SCML4: variants seen among roughly 807,000 people sequenced by gnomAD.
SCML4 encodes the protein Scm polycomb group protein like 4, also known as sex comb on midleg-like protein 4.
SCML4 carries 34 observed loss-of-function variants against 41.1 expected under a neutral mutation model. That is an observed-to-expected ratio of 0.83 (90% CI 0.63 to 1.10). The LOEUF (loss-of-function observed/expected upper bound fraction) is 1.10. Ranked by LOEUF, SCML4 falls within the 50% of genes least tolerant of loss-of-function variation. SCML4 has a pLI of 0.00. For missense variants in SCML4, 522 were observed against 534.1 expected (o/e 0.98, Z 0.22); for synonymous variants, 214 against 220.9 (o/e 0.97, Z 0.28).
chr6:107,780,703 T>C (rs554482121), intron 1 of SCML4, among the ~76,000 whole-genome samples: 2 of 149,754 alleles, frequency 1.3e-5, no homozygotes, highest in Non-Finnish European at 3.0e-5. Flanking sequence ...TGAGGCCCAG[T>C]CTCCAATAAT....
At chr6:107,812,866 T>C (rs186723788) in intron 1 of SCML4, among the ~76,000 whole-genome samples, 1 of 107,728 alleles carries the variant, frequency 9.3e-6, no homozygotes, top group East Asian at 2.9e-4. Context: ...TAGAGCTCTT[T>C]ACACACAGAC....
chr6:107,715,553 T>C (rs1217501067), intron 6 of SCML4, among the ~76,000 whole-genome samples: 2 of 152,140 alleles, frequency 1.3e-5, no homozygotes, highest in Non-Finnish European at 2.9e-5. Flanking sequence ...AAGCTTTTGT[T>C]ATCCAAAACC....
chr6:107,780,787 G>C (rs1357644602), intron 1 of SCML4, among the ~76,000 whole-genome samples: 1 of 151,696 alleles, frequency 6.6e-6, no homozygotes, highest in East Asian at 1.9e-4. Context: ...CTTGGGGATA[G>C]AGAAGAGTCG....
chr6:107,782,582 G>T (rs1439577532), intron 1 of SCML4, among the ~76,000 whole-genome samples: 2 of 152,270 alleles, frequency 1.3e-5, no homozygotes, highest in African/African-American at 4.8e-5. Context: ...ACCAAAGCAG[G>T]TGTTGTTCCC....
intron 5 of SCML4, among the ~76,000 whole-genome samples, chr6:107,723,299 C>T (rs1775618976): frequency 6.6e-6 from 1 of 152,030 alleles, no homozygotes; most frequent in Non-Finnish European, 1.5e-5. Flanking sequence ...CTCAAACATG[C>T]TCAGAACACT....
chr6:107,800,065 G>T (rs1315341124), intron 1 of SCML4, among the ~76,000 whole-genome samples: 1 of 148,688 alleles, frequency 6.7e-6, no homozygotes, highest in Non-Finnish European at 1.5e-5. Flanking sequence ...TCCCCATGCT[G>T]GTCTTGAACT....
At chr6:107,781,511 G>A (rs1165595972) in intron 1 of SCML4, among the ~76,000 whole-genome samples, 5 of 152,072 alleles carry the variant, frequency 3.3e-5, no homozygotes, top group African/African-American at 1.2e-4. Context: ...GCCTAGTATG[G>A]TGGTGTGTGC....
At chr6:107,845,803 C>T in the SCML4 span, among the ~76,000 whole-genome samples, 7 of 152,228 alleles carry the variant, frequency 4.6e-5, no homozygotes, top group African/African-American at 1.7e-4. Flanking sequence ...ATTTACTACA[C>T]GTGGTATTAC....
At chr6:107,706,438 A>G (rs779919590) in intron 7 of SCML4, among the ~76,000 whole-genome samples, 1 of 152,226 alleles carries the variant, frequency 6.6e-6, no homozygotes, top group Non-Finnish European at 1.5e-5. Context: ...TTAGATGAGA[A>G]TCCTCCTAAG....
intron 1 of SCML4, among the ~76,000 whole-genome samples, chr6:107,777,895 A>G (rs1002698682): frequency 6.6e-6 from 1 of 151,916 alleles, no homozygotes; most frequent in African/African-American, 2.4e-5. Flanking sequence ...TATTCTACCC[A>G]TAGACACATA....
rs185618227 is a variant in SCML4, at chr6:107,758,960, C to T, written c.157-9147G>A. On this transcript the variant is annotated intron_variant, in intron 2 of 7. Coordinates refer to ENST00000369020, the MANE Select transcript of SCML4 (RefSeq NM_198081.5). ...GATTTTAAGCGGGGAAACACACAAG[C>T]TAGTTTTCATTTTATAAAAATAAAT... is the stretch of plus-strand genomic sequence containing the variant. 6.6e-5 allele frequency among the ~76,000 whole-genome samples: 10 copies of T among 152,124 alleles called. No individual in the cohort carries two copies. The East Asian group carries it at 1.9e-3, about 29-fold the overall frequency.
chr6:107,735,887 A>T (rs1363247154), intron 5 of SCML4, among the ~76,000 whole-genome samples: 1 of 152,202 alleles, frequency 6.6e-6, no homozygotes, highest in Non-Finnish European at 1.5e-5. Flanking sequence ...CATAACCATC[A>T]TCAGCATCTA....
chr6:107,720,367 G>A (rs1775251454), intron 6 of SCML4: 3 of 1,016,448 alleles, frequency 3.0e-6, no homozygotes, highest in Admixed American at 5.7e-5. Flanking sequence ...AATAGATGGA[G>A]CCTATGTCCC....
chr6:107,782,613 CTGCTGGATAAGTTTGCCTGATGGCAGG>C (rs1781593992), intron 1 of SCML4, among the ~76,000 whole-genome samples: 1 of 152,170 alleles, frequency 6.6e-6, no homozygotes, highest in African/African-American at 2.4e-5. Context: ...TGACTGTCAG[CTGCTGGATAAGTTTGCCTGATGGCAGG>C]TGCTGGTCTG....
rs887863736 is a variant in SCML4 at position 107,703,658 on chromosome 6, C to T, written c.*1542G>A. On this transcript the variant is annotated 3_prime_UTR_variant, in exon 8 of 8. Coordinates refer to ENST00000369020, the MANE Select transcript of SCML4 (RefSeq NM_198081.5). ...CTGATCAAGCGGTGAGGAGGTTGAG[C>T]CCCCACCCTGCTCCACTTGCCAGCT... 2.0e-5 allele frequency among the ~76,000 whole-genome samples: 3 copies of T among 152,148 alleles called. No homozygotes were observed. Among genetic ancestry groups the T allele is most frequent in the Non-Finnish European group, 2.9e-5 (2 of 68,024 alleles).
the SCML4 span, among the ~76,000 whole-genome samples, chr6:107,829,807 T>C: frequency 2.0e-5 from 3 of 152,184 alleles, no homozygotes; most frequent in Admixed American, 1.3e-4. Flanking sequence ...AAAACTGGTA[T>C]GAATTAATTG....
intron 1 of SCML4, among the ~76,000 whole-genome samples, chr6:107,819,591 G>A (rs1422430994): frequency 6.6e-6 from 1 of 151,378 alleles, no homozygotes; most frequent in Non-Finnish European, 1.5e-5. Context: ...AGACAGCCTG[G>A]CTGCAGGAAT....
In SCML4 at chr6:107,813,370, TTATATATATATATATATATATA is replaced by T. The variant is rs543060112; in HGVS notation, c.-60+10734_-60+10755del. Among the ~76,000 whole-genome samples, 37 of 42,450 alleles carry T rather than the reference TTATATATATATATATATATATA, an allele frequency of 8.7e-4. 1 individual carries two copies. Among genetic ancestry groups the T allele is most frequent in the African/African-American group, 3.3e-3 (24 of 7,336 alleles). The allele number at this position is 42,450 out of a possible 152,430, so 27.8% of individuals were successfully genotyped here. A position where few individuals can be genotyped will look rare whatever the true frequency, so the allele number is the denominator to read the frequency against. ...AGAGTGAGACGCCATCTCAAAAAAA[TTATATATATATATATATATATA>T]TATATATATATATATATATATATAT... On this transcript the variant is annotated intron_variant, in intron 1 of 7. Transcript: ENST00000369020.
At chr6:107,810,021 C>T (rs548860669) in intron 1 of SCML4, among the ~76,000 whole-genome samples, 1 of 152,220 alleles carries the variant, frequency 6.6e-6, no homozygotes, top group South Asian at 2.1e-4. Flanking sequence ...CTCATGTGGT[C>T]AGGGGAGAGG....
Sources: allele counts gnomAD v4.1 joint callset (sites outside exome capture counted in the v4.1 genomes callset), GRCh38; gene constraint gnomAD v4.1.1; transcripts MANE v1.5; gene names NCBI Gene and HGNC (gene_info 2026-07-23, HGNC 2026-07-21).